The following NFASC variants were observed in gnomAD, a reference collection of about 807,000 sequenced individuals.
NFASC encodes neurofascin.
Under a neutral mutation model 147.5 loss-of-function variants are expected in NFASC, and 43 were observed. The ratio of observed to expected loss-of-function variants is 0.29; its 90% confidence interval spans 0.23 to 0.38. The LOEUF (loss-of-function observed/expected upper bound fraction) is 0.38, where lower values mean the gene tolerates loss of function less well. NFASC is among the 10% of genes least tolerant of loss of function. The pLI, the probability that NFASC is intolerant of heterozygous loss-of-function variation, is 1.00. For missense variants in NFASC, 1,320 were observed against 1,689.0 expected (o/e 0.78, Z 3.83); for synonymous variants, 622 against 665.5 (o/e 0.93, Z 1.01).
intron 1 of NFASC, among the ~76,000 whole-genome samples, chr1:204,875,719 G>A (rs187058804): frequency 1.1e-4 from 16 of 152,240 alleles, no homozygotes; most frequent in Admixed American, 7.8e-4. Flanking sequence ...TGTAGGAGAA[G>A]ATGTAAGTGA....
intron 1 of NFASC, among the ~76,000 whole-genome samples, chr1:204,882,408 T>C (rs2080439534): frequency 4.6e-5 from 7 of 152,004 alleles, no homozygotes. Flanking sequence ...TCCTTTTTCT[T>C]CCCTCTGCCT....
intron 1 of NFASC, among the ~76,000 whole-genome samples, chr1:204,848,785 C>T (rs2075398263): frequency 6.6e-6 from 1 of 152,210 alleles, no homozygotes; most frequent in African/African-American, 2.4e-5. Flanking sequence ...GAGCTCGTTG[C>T]CCTCTTCTCA....
rs1413455680 is a variant in NFASC at position 204,921,107 on chromosome 1, G to A, written c.-91+367G>A. Among the ~76,000 whole-genome samples the A allele has an allele frequency of 1.3e-5, 2 of 152,200 alleles. 1 individual carries two copies. The highest frequency in any genetic ancestry group is 2.9e-5 in the Non-Finnish European group (2 of 68,032). On this transcript the variant is annotated intron_variant, in intron 2 of 29. Transcript: ENST00000339876. ...ACAACCTGGATGCTCCTGAGTGACA[G>A]CCCTGGCATATGGGAGACAGTCCAA... is the stretch of plus-strand genomic sequence containing the variant.
At chr1:204,862,850 G>A (rs1217405748) in intron 1 of NFASC, among the ~76,000 whole-genome samples, 2 of 152,192 alleles carry the variant, frequency 1.3e-5, no homozygotes, top group South Asian at 2.1e-4. Context: ...TTTTTAAATA[G>A]CACATCTCTT....
rs938229399 is a variant in NFASC at position 204,904,070 on chromosome 1, A to G, written c.-199-16562A>G. On this transcript the variant is annotated intron_variant, in intron 1 of 29. Transcript: ENST00000339876. ...GTTATTTAACATCGCTAGGCTTCAGATTTCTTCTTCTTCGAGTTTTTCGTG... is the reference window on the plus strand; with the variant it reads ...GTTATTTAACATCGCTAGGCTTCAGGTTTCTTCTTCTTCGAGTTTTTCGTG... Among the ~76,000 whole-genome samples the G allele has an allele frequency of 3.9e-5, 6 of 152,108 alleles. No homozygotes were observed. The East Asian group carries it at 9.7e-4, about 25-fold the overall frequency.
chr1:204,918,502 A>T (rs775077655), intron 1 of NFASC, among the ~76,000 whole-genome samples: 11 of 152,014 alleles, frequency 7.2e-5, no homozygotes, highest in Non-Finnish European at 1.6e-4. Flanking sequence ...AATTGTTTTA[A>T]TCTATGTGTA....
chr1:204,958,481 A>G (rs990122389), intron 8 of NFASC, among the ~76,000 whole-genome samples: 1 of 152,122 alleles, frequency 6.6e-6, no homozygotes, highest in African/African-American at 2.4e-5. Context: ...TTCCCGACCC[A>G]TTATAGTGTT....
At chr1:205,001,310 T>A in intron 26 of NFASC, 24 bp downstream of exon 26, 1 of 1,518,166 alleles carries the variant, frequency 6.6e-7, no homozygotes, top group Non-Finnish European at 9.1e-7. Context: ...TGCGGGGTGG[T>A]GGTGGCGGCA....
intron 8 of NFASC, chr1:204,962,170 C>T (rs376280598): frequency 6.1e-5 from 98 of 1,609,766 alleles, no homozygotes; most frequent in African/African-American, 5.3e-4. Context: ...TGAGTCGCAG[C>T]GGTAACCTTG....
chr1:204,982,623 A>T (rs567406789), intron 21 of NFASC, among the ~76,000 whole-genome samples: 1 of 152,240 alleles, frequency 6.6e-6, no homozygotes, highest in African/African-American at 2.4e-5. Context: ...GCCCCTGGTA[A>T]AACAACAAGA....
At chr1:204,977,917 C>T (rs1186393102) in intron 17 of NFASC, among the ~76,000 whole-genome samples, 192 bp downstream of exon 17, 1 of 152,176 alleles carries the variant, frequency 6.6e-6, no homozygotes, top group Non-Finnish European at 1.5e-5. Flanking sequence ...GCTTCCTGCT[C>T]CTTACAGGGT....
intron 1 of NFASC, among the ~76,000 whole-genome samples, chr1:204,863,684 A>G (rs977007755): frequency 6.6e-6 from 1 of 152,050 alleles, no homozygotes; most frequent in Admixed American, 6.5e-5. Flanking sequence ...CCCCGTCTCT[A>G]CTAAAAATAC....
chr1:204,939,288 A>G (rs2802823), intron 2 of NFASC, among the ~76,000 whole-genome samples: 21,989 of 152,030 alleles, frequency 0.14, 2,001 homozygotes, highest in African/African-American at 0.26. Context: ...GTTATTATAT[A>G]TAAAAGGATC....
intron 1 of NFASC, among the ~76,000 whole-genome samples, chr1:204,906,903 TG>T (rs1572828074): frequency 2.6e-5 from 4 of 152,164 alleles, no homozygotes; most frequent in Non-Finnish European, 4.4e-5. Context: ...CAGGATGGTC[TG>T]CATCTCCTGA....
intron 1 of NFASC, among the ~76,000 whole-genome samples, chr1:204,855,668 C>A (rs2076091843): frequency 6.6e-6 from 1 of 152,164 alleles, no homozygotes; most frequent in South Asian, 2.1e-4. Flanking sequence ...CACACAAGGA[C>A]CCTTAGAACA....
intron 1 of NFASC, among the ~76,000 whole-genome samples, chr1:204,918,736 C>T (rs1251476148): frequency 6.6e-6 from 1 of 151,630 alleles, no homozygotes; most frequent in African/African-American, 2.4e-5. Flanking sequence ...CAGGTGCCCA[C>T]CATGACGCCC....
At chr1:204,857,970 A>G (rs1366329778) in intron 1 of NFASC, among the ~76,000 whole-genome samples, 1 of 133,530 alleles carries the variant, frequency 7.5e-6, no homozygotes, top group Non-Finnish European at 1.5e-5. Flanking sequence ...CCCAGGCTGG[A>G]GTGCAATGGC....
In NFASC at chr1:204,987,324, C is replaced by T. The variant is rs748242496; in HGVS notation, c.2471-94C>T. On this transcript the variant is annotated intron_variant, in intron 21 of 29. Transcript: ENST00000339876. This position sits in a 1 kb window ranked among gnomAD's most constrained non-coding sequence, Gnocchi z 4.4. ...TCGAGCATGGGGGTTGTCCAGAGGT[C>T]AATGCCTTCATACTTGTGCTTTGTT... 5.3e-5 allele frequency: 66 copies of T among 1,241,234 alleles called. No homozygotes were observed. Among genetic ancestry groups the T allele is most frequent in the Non-Finnish European group, 8.0e-6 (7 of 872,210 alleles). 76.9% of individuals were successfully genotyped at this position (1,241,234 alleles called of 1,614,324 possible).
intron 1 of NFASC, among the ~76,000 whole-genome samples, chr1:204,871,898 C>G (rs2077774537): frequency 6.6e-6 from 1 of 152,186 alleles, no homozygotes; most frequent in South Asian, 2.1e-4. Context: ...CAAGACAGCT[C>G]TGTCTACAGA....
Sources: gnomAD v4.1 joint callset for allele counts (sites outside exome capture counted in the v4.1 genomes callset) on GRCh38, gnomAD v4.1.1 for gene constraint, Gnocchi (gnomAD v3.1) non-coding constraint, MANE v1.5 for transcripts, NCBI Gene and HGNC (gene_info 2026-07-23, HGNC 2026-07-21) for gene names.